STIM1: variants seen among roughly 807,000 people sequenced by gnomAD.
STIM1 encodes stromal interaction molecule 1.
STIM1 carries 25 observed loss-of-function variants against 74.7 expected under a neutral mutation model. That is an observed-to-expected ratio of 0.33 (90% CI 0.24 to 0.47). The LOEUF is 0.47. STIM1 is among the 20% of genes least tolerant of loss of function. STIM1 has a pLI of 1.00. For synonymous variants in STIM1, 328 were observed against 348.8 expected (o/e 0.94, Z 0.66); for missense variants, 728 against 920.8 (o/e 0.79, Z 2.71).
chr11:3,866,472 G>C (rs1342707019), intron 1 of STIM1, among the ~76,000 whole-genome samples: 1 of 150,230 alleles, frequency 6.7e-6, no homozygotes, highest in Non-Finnish European at 1.5e-5. Context: ...CTGTCCCCTG[G>C]CTGGAGTGCA....
At chr11:3,872,217 TAA>T (rs1344127431) in intron 1 of STIM1, among the ~76,000 whole-genome samples, 3 of 152,006 alleles carry the variant, frequency 2.0e-5, no homozygotes, top group Non-Finnish European at 4.4e-5. Flanking sequence ...CACGCCCGGC[TAA>T]GTTTTGTATT....
intron 1 of STIM1, among the ~76,000 whole-genome samples, chr11:3,864,427 C>G (rs2090766413): frequency 6.6e-6 from 1 of 152,126 alleles, no homozygotes; most frequent in Non-Finnish European, 1.5e-5. Context: ...GCTGAAGACT[C>G]TATTTGGGGG....
chr11:3,906,349 T>C (rs903520549), intron 1 of STIM1, among the ~76,000 whole-genome samples: 13 of 152,210 alleles, frequency 8.5e-5, no homozygotes, highest in African/African-American at 2.9e-4. Flanking sequence ...CCTTTGCATA[T>C]TTACTTGATG....
At chr11:4,037,563 C>T (rs941400316) in intron 3 of STIM1, among the ~76,000 whole-genome samples, 2 of 152,134 alleles carry the variant, frequency 1.3e-5, no homozygotes, top group African/African-American at 2.4e-5. Flanking sequence ...AATCTTTGCT[C>T]TGAAATCTAC....
intron 3 of STIM1, among the ~76,000 whole-genome samples, chr11:4,026,525 G>A (rs1051771730): frequency 1.5e-4 from 23 of 152,102 alleles, no homozygotes; most frequent in African/African-American, 5.1e-4. Context: ...CACAGCCCCC[G>A]ATAAGATTAC....
chr11:4,052,141 T>C (rs964238593), intron 3 of STIM1, among the ~76,000 whole-genome samples: 2 of 152,160 alleles, frequency 1.3e-5, no homozygotes, highest in African/African-American at 4.8e-5. Flanking sequence ...TCCATGCTCA[T>C]GGATAGGAAA....
intron 1 of STIM1, among the ~76,000 whole-genome samples, chr11:3,887,804 TA>T (rs2091765513): frequency 1.3e-5 from 2 of 151,816 alleles, no homozygotes; most frequent in South Asian, 4.2e-4. Context: ...CTGCCTCTAC[TA>T]AAAATACAAA....
chr11:3,939,636 A>G (rs536471450), intron 1 of STIM1, among the ~76,000 whole-genome samples: 2 of 152,328 alleles, frequency 1.3e-5, no homozygotes, highest in African/African-American at 4.8e-5. Flanking sequence ...AGATGAAGAA[A>G]TTGAGATTCA....
chr11:3,933,697 C>G (rs948223104), intron 1 of STIM1, among the ~76,000 whole-genome samples: 63 of 152,236 alleles, frequency 4.1e-4, no homozygotes, highest in African/African-American at 1.4e-3. Flanking sequence ...CTCTCTTCCC[C>G]GCCGCCCGCC....
chr11:4,076,485 C>CAAAA (rs58804386), intron 7 of STIM1, among the ~76,000 whole-genome samples: 17 of 40,758 alleles, frequency 4.2e-4, no homozygotes, highest in East Asian at 1.7e-3. Context: ...GACTCCATCT[C>CAAAA]AAAAAAAAAA....
At chr11:4,026,378 A>T (rs988259598) in intron 3 of STIM1, among the ~76,000 whole-genome samples, 2 of 152,250 alleles carry the variant, frequency 1.3e-5, no homozygotes, top group Non-Finnish European at 2.9e-5. Flanking sequence ...AACTACTTTA[A>T]CATTTATATA....
chr11:3,936,503 T>C (rs944049792), intron 1 of STIM1, among the ~76,000 whole-genome samples: 4 of 152,242 alleles, frequency 2.6e-5, no homozygotes, highest in African/African-American at 9.6e-5. Context: ...CAGCCTTTGC[T>C]TCTCCAGGCC....
intron 5 of STIM1, among the ~76,000 whole-genome samples, chr11:4,065,307 C>A (rs950099645): frequency 3.3e-5 from 5 of 152,122 alleles, no homozygotes; most frequent in African/African-American, 1.2e-4. Context: ...GCTTTTCTGG[C>A]AAAGCTCACT....
chr11:3,952,885 A>T (rs1268998880), intron 1 of STIM1, among the ~76,000 whole-genome samples: 2 of 152,218 alleles, frequency 1.3e-5, no homozygotes, highest in Non-Finnish European at 2.9e-5. Flanking sequence ...TGGGAAACCA[A>T]GGAGTGGGCA....
At chr11:4,012,893 T>C (rs576832795) in intron 2 of STIM1, among the ~76,000 whole-genome samples, 228 of 152,304 alleles carry the variant, frequency 1.5e-3, no homozygotes, top group Non-Finnish European at 2.5e-3. Flanking sequence ...TTTTGAGATA[T>C]GTTCCATCAA....
chr11:4,026,044 A>T (rs2093995644), intron 3 of STIM1, among the ~76,000 whole-genome samples: 1 of 152,198 alleles, frequency 6.6e-6, no homozygotes, highest in Non-Finnish European at 1.5e-5. Flanking sequence ...TTCATTATTC[A>T]GAAAAAGGCC....
chr11:4,077,117 A>T (rs2094441839), intron 7 of STIM1, among the ~76,000 whole-genome samples: 1 of 151,816 alleles, frequency 6.6e-6, no homozygotes, highest in South Asian at 2.1e-4. Flanking sequence ...AGCAAAATTA[A>T]GCAGGAGTAG....
At position 3,962,445 on chromosome 11, in the gene STIM1, TTGTG is replaced by T. The variant is rs139472251; in HGVS notation, c.140-5079_140-5076del. Among the ~76,000 whole-genome samples the T allele has an allele frequency of 1.0e-3, 153 of 147,722 alleles. 1 individual carries two copies. Among genetic ancestry groups the T allele is most frequent in the East Asian group, 1.6e-3 (8 of 5,048 alleles). On this transcript the variant is annotated intron_variant, in intron 1 of 12. Coordinates refer to ENST00000526596, the MANE Select transcript of STIM1 (RefSeq NM_001382567.1). ...ATTCTTCTTTTATGGCTGAGTAGTATTGTGTGTGTGTGTGTGTGTGTGTGTGTGT... is the reference window on the plus strand; with the variant it reads ...ATTCTTCTTTTATGGCTGAGTAGTATTGTGTGTGTGTGTGTGTGTGTGTGT...
chr11:4,044,564 A>G (rs575941788), intron 3 of STIM1, among the ~76,000 whole-genome samples: 318 of 152,312 alleles, frequency 2.1e-3, no homozygotes, highest in Non-Finnish European at 3.9e-3. Flanking sequence ...TGTTTTGTTC[A>G]GACTATAGTG....
Sources: allele counts gnomAD v4.1 joint callset (sites outside exome capture counted in the v4.1 genomes callset), GRCh38; gene constraint gnomAD v4.1.1; transcripts MANE v1.5; gene names NCBI Gene and HGNC (gene_info 2026-07-23, HGNC 2026-07-21).